Variants in DCC observed in about 807,000 individuals in gnomAD.
The protein encoded by DCC is DCC netrin 1 receptor.
A neutral mutation model predicts 172.5 loss-of-function variants in DCC; 58 were observed. The observed-to-expected ratio is 0.34, with a 90% CI of 0.27 to 0.42. The LOEUF is 0.42. Ranked by LOEUF, DCC falls within the 10% of genes least tolerant of loss-of-function variation. The pLI, the probability that DCC is intolerant of heterozygous loss-of-function variation, is 1.00. For missense variants in DCC, 1,740 were observed against 1,791.0 expected, an observed-to-expected ratio of 0.97 and a Z score of 0.51; for synonymous variants, 709 against 644.5, an observed-to-expected ratio of 1.10 and a Z score of -1.52.
intron 7 of DCC, among the ~76,000 whole-genome samples, chr18:53,081,747 G>T (rs924084570): frequency 1.1e-4 from 17 of 152,096 alleles, no homozygotes; most frequent in Non-Finnish European, 2.5e-4. Context: ...ATGTGTAATT[G>T]TAATTGGTGA....
chr18:53,502,062 T>C (rs2046107732), intron 27 of DCC, among the ~76,000 whole-genome samples: 1 of 152,194 alleles, frequency 6.6e-6, no homozygotes, highest in South Asian at 2.1e-4. Context: ...TCTGATCTAA[T>C]GGCAACAAGG....
chr18:52,945,076 A>C (rs140060093), intron 5 of DCC, among the ~76,000 whole-genome samples: 10 of 152,318 alleles, frequency 6.6e-5, no homozygotes, highest in African/African-American at 1.9e-4. Flanking sequence ...ATATTGTGAC[A>C]TGCCATTTAT....
intron 9 of DCC, 88 bp downstream of exon 9, chr18:53,179,204 G>A: frequency 7.4e-7 from 1 of 1,346,506 alleles, no homozygotes; most frequent in Non-Finnish European, 1.0e-6. Context: ...CCTTTGCGAA[G>A]TGACAAAAGC....
chr18:52,641,029 T>A (rs775359956), intron 1 of DCC, among the ~76,000 whole-genome samples: 7 of 152,030 alleles, frequency 4.6e-5, no homozygotes, highest in Non-Finnish European at 1.0e-4. Flanking sequence ...CATAGACCAA[T>A]GGAACAGAAT....
At chr18:53,102,204 AT>A (rs1299026573) in intron 7 of DCC, among the ~76,000 whole-genome samples, 2 of 152,146 alleles carry the variant, frequency 1.3e-5, no homozygotes, top group African/African-American at 4.8e-5. Context: ...CAAAAATGTA[AT>A]CGCTATAATT....
intron 1 of DCC, among the ~76,000 whole-genome samples, chr18:52,623,190 G>T (rs1160472035): frequency 6.6e-6 from 1 of 152,152 alleles, no homozygotes; most frequent in East Asian, 1.9e-4. Flanking sequence ...ACTTTGAAGG[G>T]TATATTGGAG....
chr18:53,236,242 T>C (rs1457982556), intron 12 of DCC, among the ~76,000 whole-genome samples: 1 of 152,160 alleles, frequency 6.6e-6, no homozygotes, highest in African/African-American at 2.4e-5. Flanking sequence ...CACATGGAAT[T>C]TGTTGACATC....
At chr18:52,998,105 AAATT>A (rs2143833269) in intron 5 of DCC, among the ~76,000 whole-genome samples, 1 of 119,216 alleles carries the variant, frequency 8.4e-6, no homozygotes, top group South Asian at 3.7e-4. Context: ...AATTAAAATT[AAATT>A]AAAAGTTGAG....
intron 5 of DCC, among the ~76,000 whole-genome samples, chr18:52,991,436 G>A (rs2041390482): frequency 6.6e-6 from 1 of 152,184 alleles, no homozygotes; most frequent in Non-Finnish European, 1.5e-5. Flanking sequence ...TAAATAAAGT[G>A]TGAGTAATAG....
At chr18:52,715,150 T>C (rs2036356519) in intron 1 of DCC, among the ~76,000 whole-genome samples, 1 of 152,042 alleles carries the variant, frequency 6.6e-6, no homozygotes, top group Non-Finnish European at 1.5e-5. Context: ...CTAGTTGGGT[T>C]ATACCAATGA....
intron 27 of DCC, among the ~76,000 whole-genome samples, chr18:53,519,401 G>A (rs1316264574): frequency 2.6e-5 from 4 of 151,962 alleles, no homozygotes; most frequent in South Asian, 4.2e-4. Context: ...AGTGGGAAAC[G>A]TTTCATCTTT....
At chr18:53,183,468 G>A (rs1406929129) in intron 9 of DCC, among the ~76,000 whole-genome samples, 1 of 152,078 alleles carries the variant, frequency 6.6e-6, no homozygotes, top group Non-Finnish European at 1.5e-5. Context: ...CACATGTGGA[G>A]ATTTTTTGAA....
chr18:52,828,273 C>G (rs17386079), intron 2 of DCC, among the ~76,000 whole-genome samples: 8 of 152,036 alleles, frequency 5.3e-5, no homozygotes, highest in Non-Finnish European at 1.5e-5. Context: ...TATATTGATT[C>G]CAGTTAAGCA....
At chr18:52,791,859 T>C (rs77928423) in intron 2 of DCC, among the ~76,000 whole-genome samples, 3,343 of 152,200 alleles carry the variant, frequency 0.022, 49 homozygotes, top group Non-Finnish European at 0.035. Context: ...AGTACTATTC[T>C]AAATGGAAGC....
intron 15 of DCC, among the ~76,000 whole-genome samples, chr18:53,348,586 C>T (rs1346775375): frequency 2.0e-5 from 3 of 152,164 alleles, no homozygotes; most frequent in African/African-American, 7.2e-5. Flanking sequence ...TATGGGGGCT[C>T]TGATCCCACA....
chr18:52,656,124 T>C (rs915797535), intron 1 of DCC, among the ~76,000 whole-genome samples: 2 of 149,024 alleles, frequency 1.3e-5, no homozygotes, highest in Admixed American at 6.8e-5. Context: ...AACATATATA[T>C]GTATATATAT....
intron 27 of DCC, among the ~76,000 whole-genome samples, chr18:53,512,836 T>G (rs999146470): frequency 1.3e-5 from 2 of 151,788 alleles, no homozygotes; most frequent in Admixed American, 6.6e-5. Context: ...TACGTCTGAT[T>G]GGTGTACCTG....
chr18:52,954,301 GT>G (rs200322236), intron 5 of DCC, among the ~76,000 whole-genome samples: 21 of 150,392 alleles, frequency 1.4e-4, no homozygotes, highest in African/African-American at 2.0e-4. Flanking sequence ...AATATCACTA[GT>G]TTTTTTTTCA....
At chr18:52,563,233 G>A (rs2033081006) in intron 1 of DCC, among the ~76,000 whole-genome samples, 1 of 152,120 alleles carries the variant, frequency 6.6e-6, no homozygotes, top group Non-Finnish European at 1.5e-5. Flanking sequence ...GTTTTTTGAT[G>A]CTGACTTTTA....
Sources: allele counts gnomAD v4.1 joint callset (sites outside exome capture counted in the v4.1 genomes callset), GRCh38; gene constraint gnomAD v4.1.1; transcripts MANE v1.5; gene names NCBI Gene and HGNC (gene_info 2026-07-23, HGNC 2026-07-21).